The following ELP1 variants were observed in gnomAD, a reference collection of about 807,000 sequenced individuals.
The protein encoded by ELP1 is elongator acetyltransferase complex subunit 1.
In ELP1, 131 loss-of-function variants were observed where a neutral mutation model predicts 183.2. The ratio of observed to expected loss-of-function variants is 0.72; its 90% CI spans 0.62 to 0.83. The LOEUF (loss-of-function observed/expected upper bound fraction) is 0.83. ELP1 is among the 40% of genes least tolerant of loss of function. ELP1 has a pLI of 0.00. For synonymous variants in ELP1, 555 were observed against 569.0 expected (o/e 0.98, Z 0.35); for missense variants, 1,550 against 1,594.9 (o/e 0.97, Z 0.48).
Position 108,901,283 on chromosome 9 carries a change from T to C in ELP1, c.2014+142A>G, listed in dbSNP as rs187740431. 4 of 694,318 alleles carry C rather than the reference T, an allele frequency of 5.8e-6. No individual in the cohort carries two copies. The Admixed American group carries it at 6.6e-5, about 11-fold the overall frequency. 43.0% of individuals were successfully genotyped at this position (694,318 alleles called of 1,614,324 possible). A position where few individuals can be genotyped will look rare whatever the true frequency, so the allele number is the denominator to read the frequency against. The stretch of plus-strand genomic sequence containing the variant: ...GAGATATTATGTTGAGATTAGGGTC[T>C]AAGTAAAATAACTCTAAAGATTTTC... On this transcript the variant is annotated intron_variant, in intron 18 of 36. Transcript: ENST00000374647.
Position 108,927,409 on chromosome 9 carries a change from A to G in ELP1, c.348T>C (p.Ser116=), listed in dbSNP as rs2230787. The part of the protein sequence containing the change: ...GSVASGISVM[S]WSPDQELVLL... ...GCACCAGCTCTTGGTCAGGACTCCA[A>G]CTCATAACAGAGATACCACTGGCTA... is the stretch of plus-strand genomic sequence containing the variant. Residue 116 remains serine, a synonymous_variant, in exon 4 of 37, where the codon AGT becomes AGC. Transcript: ENST00000374647. The G allele has an allele frequency of 4.2e-5, 68 of 1,613,906 alleles. No individual in the cohort carries two copies. The highest frequency in any genetic ancestry group is 3.6e-4 in the East Asian group (16 of 44,860).
At chr9:108,902,594 G>A (rs1380273508) in intron 16 of ELP1, among the ~76,000 whole-genome samples, 1 of 152,054 alleles carries the variant, frequency 6.6e-6, no homozygotes, top group Non-Finnish European at 1.5e-5. Flanking sequence ...GTACAACTAG[G>A]GATAAAAGGT....
In ELP1 at chr9:108,867,936, G is replaced by A. The variant is rs958533883; in HGVS notation, c.*1179C>T. On this transcript the variant is annotated 3_prime_UTR_variant, in exon 37 of 37. Transcript: ENST00000374647. ...AGCATTTCCTGTTAGTTTATGTACA[G>A]TGCTGTAGTTTAGGCATTTGTTTCC... is the stretch of plus-strand genomic sequence containing the variant. 6.6e-6 allele frequency: 1 copy of A among 152,220 alleles called. No homozygotes were observed. Among genetic ancestry groups the A allele is most frequent in the Non-Finnish European group, 1.5e-5 (1 of 68,046 alleles). The allele number at this position is 152,220 out of a possible 1,614,324, so 9.4% of individuals were successfully genotyped here. A position where few individuals can be genotyped will look rare whatever the true frequency, so the allele number is the denominator to read the frequency against.
chr9:108,877,910 A>G, intron 35 of ELP1, 85 bp downstream of exon 35: 2 of 1,422,018 alleles, frequency 1.4e-6, no homozygotes, highest in Non-Finnish European at 2.0e-6. Flanking sequence ...TAAGAACAGG[A>G]AAACTTTTTG....
intron 23 of ELP1, 49 bp from the exon 24 acceptor site, chr9:108,897,087 G>A (rs761551694): frequency 1.4e-5 from 22 of 1,613,484 alleles, no homozygotes; most frequent in Non-Finnish European, 1.7e-5. Flanking sequence ...AAGTAGGCTG[G>A]ACAAGGACAA....
At chr9:108,890,328 C>T (rs1828276002) in intron 28 of ELP1, among the ~76,000 whole-genome samples, 1 of 146,650 alleles carries the variant, frequency 6.8e-6, no homozygotes, top group Non-Finnish European at 1.5e-5. Flanking sequence ...GGTATAATCC[C>T]AAGAAAAAAA....
intron 27 of ELP1, among the ~76,000 whole-genome samples, chr9:108,892,571 C>T (rs1394349755): frequency 6.6e-6 from 1 of 152,052 alleles, no homozygotes; most frequent in Non-Finnish European, 1.5e-5. Context: ...GTACAGCACC[C>T]TATGAGGCTG....
intron 22 of ELP1, 125 bp downstream of exon 22, chr9:108,898,377 G>T: frequency 1.5e-6 from 1 of 680,608 alleles, no homozygotes. Context: ...GCATCTAAGA[G>T]TTATAGCAAT....
chr9:108,877,786 G>T (rs1255354988), intron 35 of ELP1, among the ~76,000 whole-genome samples: 1 of 152,166 alleles, frequency 6.6e-6, no homozygotes, highest in Non-Finnish European at 1.5e-5. Context: ...AAAGGAAAAT[G>T]ACAGTCCATT....
chr9:108,878,769 A>G lies in ELP1; in HGVS notation c.3573-19T>C, dbSNP rs1343567617. The G allele has an allele frequency of 1.9e-6, 3 of 1,613,106 alleles. No homozygotes were observed. Among genetic ancestry groups the G allele is most frequent in the South Asian group, 1.1e-5 (1 of 91,064 alleles). ...TGATCTCCTGTTAGAAATTACACAG[A>G]TATTTTTAAGCCTCCTGAGTAGCTA... On this transcript the variant is annotated intron_variant, in intron 33 of 36. Transcript: ENST00000374647.
At chr9:108,929,965 C>T in intron 2 of ELP1, 44 bp from the exon 3 acceptor site, 1 of 1,593,708 alleles carries the variant, frequency 6.3e-7, no homozygotes, top group Non-Finnish European at 8.6e-7. Flanking sequence ...AGTCTACTTT[C>T]AAGAATAATT....
chr9:108,896,580 C>A lies in ELP1; in HGVS notation c.2652G>T (p.Leu884=), dbSNP rs763615503. ...AEEALKYLLH[L]VDVNELYDHS... Reference sequence around the variant, plus strand: ...GATCATATAATTCATTAACATCTACCAGATGCAGCAAATATTTCAAGGCCT... The same window carrying A: ...GATCATATAATTCATTAACATCTACAAGATGCAGCAAATATTTCAAGGCCT... The change falls in exon 25 of 37, where the codon CTG becomes CTT. Residue 884 remains leucine (L), a synonymous_variant. Coordinates refer to ENST00000374647, the MANE Select transcript of ELP1 (RefSeq NM_003640.5). The A allele has an allele frequency of 6.2e-7, 1 of 1,613,650 alleles. No homozygotes were observed. Among genetic ancestry groups the A allele is most frequent in the Non-Finnish European group, 8.5e-7 (1 of 1,179,572 alleles).
rs777286881 is a variant in ELP1, at chr9:108,881,813, T to G, written c.3286-48A>C. Reference sequence around the variant, plus strand: ...TTTAGGAAGGAAAACTTCTAGTCACTGGAGAGTTAAGATACTTAGAAAGAC... The same window carrying G: ...TTTAGGAAGGAAAACTTCTAGTCACGGGAGAGTTAAGATACTTAGAAAGAC... On this transcript the variant is annotated intron_variant, in intron 30 of 36. Coordinates refer to ENST00000374647, the MANE Select transcript of ELP1 (RefSeq NM_003640.5). 3.6e-6 allele frequency: 4 copies of G among 1,120,328 alleles called. No homozygotes were observed. In the East Asian group the frequency reaches 9.4e-5, roughly 26 times the overall value. 69.4% of individuals were successfully genotyped at this position (1,120,328 alleles called of 1,614,324 possible). A position where few individuals can be genotyped will look rare whatever the true frequency, so the allele number is the denominator to read the frequency against.
At chr9:108,925,242 T>C (rs925018097) in intron 5 of ELP1, among the ~76,000 whole-genome samples, 1 of 152,170 alleles carries the variant, frequency 6.6e-6, no homozygotes, top group Non-Finnish European at 1.5e-5. Context: ...TCAAAACTTG[T>C]AATGGCTGAT....
Position 108,912,380 on chromosome 9 carries a change from C to T in ELP1, c.1073G>A (p.Arg358Gln), listed in dbSNP as rs139091484. The T allele has an allele frequency of 6.1e-5, 98 of 1,614,124 alleles. No individual in the cohort carries two copies. In the Middle Eastern group the frequency reaches 1.6e-3, roughly 27 times the overall value. ...CCAGCCCTGACAGAGAACATGCAGC[C>T]GGTATGGGGTCACAGGGTCCCACAT... ...SLMWDPVTPY[R>Q]LHVLCQGWHY... The change falls in exon 11 of 37, where the codon CGG (arginine) becomes CAG (glutamine). Residue 358 changes from arginine (R) to glutamine (Q), a missense_variant. Physicochemically the swap from Arg to Gln is conservative, Grantham distance 43. Transcript: ENST00000374647.
At position 108,908,300 on chromosome 9, in the gene ELP1, C is replaced by G. The variant is rs1300530163; in HGVS notation, c.1460+5G>C. 6.2e-7 allele frequency: 1 copy of G among 1,604,782 alleles called. No homozygotes were observed. Among genetic ancestry groups the G allele is most frequent in the Non-Finnish European group, 8.5e-7 (1 of 1,171,524 alleles). ...CCCAGAAGCCCAAGATAATTAAGAA[C>G]CTACTTGTATCTCTTTTCCAAATGA... On this transcript the variant is annotated splice_donor_5th_base_variant and intron_variant, in intron 13 of 36. Coordinates refer to ENST00000374647, the MANE Select transcript of ELP1 (RefSeq NM_003640.5).
At position 108,903,641 on chromosome 9, in the gene ELP1, T is replaced by C. The variant is rs772705478; in HGVS notation, c.1672A>G (p.Ile558Val). ...SSSAAVDGVI[I>V]SLCCNSKTKS... Reference sequence around the variant, plus strand: ...GTCTTGGAATTGCAACATAGACTGATTATGACCCCATCCACCGCTGCAGAT... The same window carrying C: ...GTCTTGGAATTGCAACATAGACTGACTATGACCCCATCCACCGCTGCAGAT... Residue 558 changes from isoleucine (I) to valine (V), a missense_variant, in exon 15 of 37, where the codon ATC (isoleucine) becomes GTC (valine). By Grantham distance (29) the Ile-to-Val change is conservative. Transcript: ENST00000374647. The C allele has an allele frequency of 3.1e-6, 5 of 1,613,818 alleles. No individual in the cohort carries two copies. The African/African-American group carries it at 6.7e-5, about 22-fold the overall frequency.
Position 108,912,332 on chromosome 9 carries a change from T to C in ELP1, c.1121A>G (p.His374Arg), listed in dbSNP as rs745895326. Residue 374 changes from histidine to arginine, a missense_variant, in exon 11 of 37, where the codon CAC becomes CGC. Coordinates refer to ENST00000374647, the MANE Select transcript of ELP1 (RefSeq NM_003640.5). ...QGWHYLAYDW[H>R]WTTDRSVGDN... is the part of the protein sequence containing the mutation. ...TCCCACGCTCCGGTCAGTCGTCCAG[T>C]GCCAATCATAGGCGAGGTAATGCCA... 3 of 1,614,198 alleles carry C rather than the reference T, an allele frequency of 1.9e-6. No individual in the cohort carries two copies. The highest frequency in any genetic ancestry group is 2.5e-6 in the Non-Finnish European group (3 of 1,180,038).
rs746748011 is a variant in ELP1 at position 108,902,827 on chromosome 9, G to A, written c.1854+12C>T. The A allele has an allele frequency of 1.4e-5, 22 of 1,594,594 alleles. No homozygotes were observed. The highest frequency in any genetic ancestry group is 4.4e-5 in the South Asian group (4 of 90,646). ...CTACTTTAAGTAAATTTCCTGCTCC[G>A]TGTTCACCTACCTCTTCTCCAATCA... On this transcript the variant is annotated intron_variant, in intron 16 of 36. Transcript: ENST00000374647.
Sources: gnomAD v4.1 joint callset for allele counts (sites outside exome capture counted in the v4.1 genomes callset) on GRCh38, gnomAD v4.1.1 for gene constraint, MANE v1.5 for transcripts, NCBI Gene and HGNC (gene_info 2026-07-23, HGNC 2026-07-21) for gene names.